The following EYS variants were observed in gnomAD, a reference collection of about 807,000 sequenced individuals.
EYS encodes protein eyes shut homolog.
EYS carries 250 observed loss-of-function variants against 282.1 expected under a neutral mutation model. The ratio of observed to expected loss-of-function variants is 0.89; its 90% CI spans 0.80 to 0.98. The LOEUF (loss-of-function observed/expected upper bound fraction) is 0.98. Ranked by LOEUF, EYS falls within the 50% of genes least tolerant of loss-of-function variation. EYS has a pLI of 0.00. For synonymous variants in EYS, 1,355 were observed against 1,282.9 expected, an observed-to-expected ratio of 1.06 and a Z score of -1.20; for missense variants, 4,016 against 3,709.0, an observed-to-expected ratio of 1.08 and a Z score of -2.15.
intron 29 of EYS, among the ~76,000 whole-genome samples, chr6:64,329,391 C>T (rs1165517510): frequency 1.3e-5 from 2 of 152,112 alleles, no homozygotes. Flanking sequence ...GGACATGACT[C>T]TAAACCTAGG....
chr6:64,317,001 G>A lies in EYS; in HGVS notation c.6079-9919C>T, dbSNP rs115075418. 9.4e-3 allele frequency among the ~76,000 whole-genome samples: 1,437 copies of A among 152,244 alleles called. 27 individuals carry two copies. The highest frequency in any genetic ancestry group is 0.033 in the African/African-American group (1,388 of 41,534). On this transcript the variant is annotated intron_variant, in intron 29 of 42. Coordinates refer to ENST00000503581, the MANE Select transcript of EYS (RefSeq NM_001142800.2). ...TTTAATAAATGGTTTTGGGAAAACT[G>A]GCTGCCCATATGCAGGAAGGTGAAA...
intron 22 of EYS, among the ~76,000 whole-genome samples, chr6:64,781,717 A>G (rs1307401070): frequency 6.6e-6 from 1 of 152,084 alleles, no homozygotes; most frequent in Non-Finnish European, 1.5e-5. Context: ...CAAGTTTTCA[A>G]TTTTATCCTG....
intron 29 of EYS, among the ~76,000 whole-genome samples, chr6:64,381,072 G>A (rs1772732692): frequency 6.6e-6 from 1 of 151,112 alleles, no homozygotes; most frequent in African/African-American, 2.4e-5. Flanking sequence ...AATACCCACA[G>A]GTGTATATGC....
chr6:65,579,219 T>A (rs943973099), intron 2 of EYS, among the ~76,000 whole-genome samples: 7 of 152,100 alleles, frequency 4.6e-5, no homozygotes, highest in African/African-American at 1.7e-4. Flanking sequence ...TTAAAAAACA[T>A]AAGCCAGTTA....
At chr6:64,280,327 G>T (rs1768260444) in intron 30 of EYS, among the ~76,000 whole-genome samples, 2 of 152,048 alleles carry the variant, frequency 1.3e-5, no homozygotes, top group African/African-American at 4.8e-5. Flanking sequence ...CTGCAGGCAG[G>T]TGACTTAACC....
At chr6:64,603,610 G>A (rs1766829739) in intron 24 of EYS, among the ~76,000 whole-genome samples, 1 of 151,990 alleles carries the variant, frequency 6.6e-6, no homozygotes, top group African/African-American at 2.4e-5. Flanking sequence ...CTACAAAGAT[G>A]TTATCTAAGA....
intron 2 of EYS, among the ~76,000 whole-genome samples, chr6:65,514,381 T>G (rs1456585862): frequency 6.6e-6 from 1 of 152,146 alleles, no homozygotes; most frequent in Non-Finnish European, 1.5e-5. Context: ...AATTTATAGA[T>G]TCAATGCCAT....
At chr6:64,298,984 T>C (rs1769134220) in intron 30 of EYS, among the ~76,000 whole-genome samples, 1 of 152,076 alleles carries the variant, frequency 6.6e-6, no homozygotes, top group African/African-American at 2.4e-5. Flanking sequence ...CAAGAAGATA[T>C]AACAACATAT....
chr6:64,538,062 G>A (rs1017010629), intron 26 of EYS, among the ~76,000 whole-genome samples: 3 of 147,498 alleles, frequency 2.0e-5, no homozygotes, highest in Non-Finnish European at 4.4e-5. Flanking sequence ...TGTATAGCTA[G>A]GATGCATTAA....
intron 33 of EYS, among the ~76,000 whole-genome samples, chr6:64,063,892 A>T (rs1771270528): frequency 6.6e-6 from 1 of 151,628 alleles, no homozygotes; most frequent in Non-Finnish European, 1.5e-5. Flanking sequence ...ACCATGCCTA[A>T]TTTTTTTGTA....
chr6:63,889,383 G>A (rs1245899108), intron 35 of EYS, among the ~76,000 whole-genome samples: 3 of 152,110 alleles, frequency 2.0e-5, no homozygotes, highest in East Asian at 1.9e-4. Context: ...GAGAAAGGTC[G>A]GGGAAGCCAC....
intron 11 of EYS, among the ~76,000 whole-genome samples, chr6:65,327,116 G>A (rs546278866): frequency 1.8e-3 from 275 of 151,508 alleles, no homozygotes; most frequent in Non-Finnish European, 2.8e-3. Flanking sequence ...GCTTTATTAC[G>A]TCAACATAAA....
chr6:64,766,721 G>A lies in EYS; in HGVS notation c.3443+46657C>T, dbSNP rs1329884617. On this transcript the variant is annotated intron_variant, in intron 22 of 42. Transcript: ENST00000503581. ...ATTGTTCACTGTGCCCTTCCACTGAGAAACAAATACGAGATGATTTCACAG... is the reference window on the plus strand; with the variant it reads ...ATTGTTCACTGTGCCCTTCCACTGAAAAACAAATACGAGATGATTTCACAG... 3.7e-4 allele frequency among the ~76,000 whole-genome samples: 46 copies of A among 125,384 alleles called. 3 individuals are homozygous for A. The highest frequency in any genetic ancestry group is 3.5e-3 in the Admixed American group (38 of 10,816). 82.3% of individuals were successfully genotyped at this position (125,384 alleles called of 152,430 possible).
chr6:65,038,892 T>C (rs1009637091), intron 13 of EYS, among the ~76,000 whole-genome samples: 1 of 151,504 alleles, frequency 6.6e-6, no homozygotes, highest in Non-Finnish European at 1.5e-5. Context: ...AGTGTTTTGT[T>C]TTATATTAGT....
intron 26 of EYS, among the ~76,000 whole-genome samples, chr6:64,491,546 T>C (rs896140778): frequency 1.3e-5 from 2 of 151,038 alleles, no homozygotes; most frequent in African/African-American, 4.8e-5. Context: ...AATATTTATT[T>C]ACATTTCTTT....
At chr6:64,445,259 T>A (rs190491599) in intron 26 of EYS, among the ~76,000 whole-genome samples, 1 of 152,264 alleles carries the variant, frequency 6.6e-6, no homozygotes, top group East Asian at 1.9e-4. Context: ...CAGATGAGAA[T>A]AATGATTATA....
At chr6:65,289,808 T>C (rs1476796110) in intron 12 of EYS, among the ~76,000 whole-genome samples, 1 of 150,972 alleles carries the variant, frequency 6.6e-6, no homozygotes, top group Non-Finnish European at 1.5e-5. Flanking sequence ...TCTCTACAAT[T>C]GGAAGAACAA....
At chr6:64,604,133 A>T (rs978741207) in intron 24 of EYS, among the ~76,000 whole-genome samples, 2 of 151,872 alleles carry the variant, frequency 1.3e-5, no homozygotes, top group Non-Finnish European at 2.9e-5. Context: ...AGAATAATTC[A>T]TCTATAATGG....
chr6:64,500,104 T>C (rs954596167), intron 26 of EYS, among the ~76,000 whole-genome samples: 5 of 152,076 alleles, frequency 3.3e-5, no homozygotes, highest in Non-Finnish European at 7.4e-5. Context: ...AATAAGTACA[T>C]AGAACTGTTA....
Sources: allele counts gnomAD v4.1 joint callset (sites outside exome capture counted in the v4.1 genomes callset), GRCh38; gene constraint gnomAD v4.1.1; transcripts MANE v1.5; gene names NCBI Gene and HGNC (gene_info 2026-07-23, HGNC 2026-07-21).